Variants in HS3ST4 observed in about 807,000 individuals in gnomAD.
HS3ST4 encodes the protein heparan sulfate-glucosamine 3-sulfotransferase 4.
In HS3ST4, 17 loss-of-function variants were observed where a neutral mutation model predicts 29.2. That is an observed-to-expected ratio of 0.58 (90% CI 0.40 to 0.87). The LOEUF (loss-of-function observed/expected upper bound fraction) is 0.87, where lower values mean the gene tolerates loss of function less well. Among genes scored for constraint, HS3ST4 ranks in the 40% least tolerant of loss-of-function variants. HS3ST4 has a pLI of 0.00. For synonymous variants in HS3ST4, 314 were observed against 285.7 expected, an observed-to-expected ratio of 1.10 and a Z score of -1.00; for missense variants, 627 against 634.5, an observed-to-expected ratio of 0.99 and a Z score of 0.13.
intron 1 of HS3ST4, among the ~76,000 whole-genome samples, chr16:25,732,322 A>G (rs186056380): frequency 1.3e-5 from 2 of 152,302 alleles, no homozygotes. Context: ...ACCTTTTTAC[A>G]TTGTAGGAAT....
At chr16:25,787,276 G>C (rs1006889277) in intron 1 of HS3ST4, among the ~76,000 whole-genome samples, 9 of 152,226 alleles carry the variant, frequency 5.9e-5, no homozygotes, top group Admixed American at 5.2e-4. Context: ...AACAGTGTAA[G>C]TATTGCCCAT....
intron 1 of HS3ST4, among the ~76,000 whole-genome samples, chr16:26,018,894 G>A (rs1321987106): frequency 6.6e-6 from 1 of 151,700 alleles, no homozygotes; most frequent in Non-Finnish European, 1.5e-5. Context: ...TAAGTAGCAG[G>A]CAGTGGTTTA....
chr16:26,007,466 G>C (rs978888081), intron 1 of HS3ST4, among the ~76,000 whole-genome samples: 1 of 152,118 alleles, frequency 6.6e-6, no homozygotes, highest in Non-Finnish European at 1.5e-5. Context: ...TTATCCATTC[G>C]TGAAATGGGA....
intron 1 of HS3ST4, among the ~76,000 whole-genome samples, chr16:25,772,889 G>T (rs1315100732): frequency 2.0e-5 from 3 of 152,186 alleles, no homozygotes; most frequent in Non-Finnish European, 4.4e-5. Flanking sequence ...GGCCATGGCA[G>T]GGTAGGTGCT....
chr16:26,070,063 T>C (rs1177568743), intron 1 of HS3ST4, among the ~76,000 whole-genome samples: 1 of 152,152 alleles, frequency 6.6e-6, no homozygotes, highest in African/African-American at 2.4e-5. Context: ...TTCCTTTGGG[T>C]ATATACCCAG....
chr16:25,999,902 T>TATATTATATATATATATTATATATATA (rs1969198103), intron 1 of HS3ST4, among the ~76,000 whole-genome samples: 5 of 139,732 alleles, frequency 3.6e-5, no homozygotes, highest in African/African-American at 1.1e-4. Context: ...ATATTTTATA[T>TATATTATATATATATATTATATATATA]ATATATATAT....
chr16:25,965,455 C>A (rs756022325), intron 1 of HS3ST4, among the ~76,000 whole-genome samples: 1 of 151,290 alleles, frequency 6.6e-6, no homozygotes, highest in Non-Finnish European at 1.5e-5. Context: ...GGGACTACAA[C>A]GGGAGGAGTT....
chr16:25,838,346 C>G (rs893622831), intron 1 of HS3ST4, among the ~76,000 whole-genome samples: 1 of 152,046 alleles, frequency 6.6e-6, no homozygotes, highest in African/African-American at 2.4e-5. Context: ...ATTGCATGCT[C>G]TCTCTCTCTT....
In HS3ST4 at chr16:26,137,460, C is replaced by G. The variant is rs1480482030; in HGVS notation, c.*1212C>G. 6.6e-6 allele frequency: 1 copy of G among 152,068 alleles called. No individual in the cohort carries two copies. Among genetic ancestry groups the G allele is most frequent in the African/African-American group, 2.4e-5 (1 of 41,418 alleles). The allele number at this position is 152,068 out of a possible 1,614,324, so 9.4% of individuals were successfully genotyped here. ...GAGCAAGGGCTGTCTGCAGAAACCC[C>G]CATCAAGAGCTGCTGAATGAAGTGT... On this transcript the variant is annotated 3_prime_UTR_variant, in exon 2 of 2. Coordinates refer to ENST00000331351, the MANE Select transcript of HS3ST4 (RefSeq NM_006040.3).
At chr16:25,853,687 C>T (rs983246071) in intron 1 of HS3ST4, among the ~76,000 whole-genome samples, 2 of 152,164 alleles carry the variant, frequency 1.3e-5, no homozygotes, top group African/African-American at 4.8e-5. Context: ...TATTGATTTG[C>T]ATACATTGAA....
At chr16:25,828,300 C>CTTTTTT (rs1567249517) in intron 1 of HS3ST4, among the ~76,000 whole-genome samples, 1 of 56,770 alleles carries the variant, frequency 1.8e-5, no homozygotes, top group African/African-American at 8.0e-5. Context: ...TTCTTTCTTT[C>CTTTTTT]CCTCTCTCTC....
chr16:25,940,696 G>C (rs1968564098), intron 1 of HS3ST4, among the ~76,000 whole-genome samples: 1 of 152,180 alleles, frequency 6.6e-6, no homozygotes, highest in African/African-American at 2.4e-5. Flanking sequence ...GTTAGGGAGA[G>C]TACTCCAGTT....
chr16:25,920,904 C>T (rs1015397199), intron 1 of HS3ST4, among the ~76,000 whole-genome samples: 6 of 152,084 alleles, frequency 3.9e-5, no homozygotes, highest in African/African-American at 1.4e-4. Flanking sequence ...AGGTGTGAGC[C>T]ACCACGCCCA....
intron 1 of HS3ST4, among the ~76,000 whole-genome samples, chr16:25,717,643 G>A (rs1966464964): frequency 6.6e-6 from 1 of 151,980 alleles, no homozygotes; most frequent in South Asian, 2.1e-4. Flanking sequence ...AGCTCAGAGT[G>A]CTGGAGCTCT....
chr16:25,794,896 TAC>T (rs59740575), intron 1 of HS3ST4, among the ~76,000 whole-genome samples: 4,536 of 136,518 alleles, frequency 0.033, 95 homozygotes, highest in South Asian at 0.066. Flanking sequence ...TACTCAAGAA[TAC>T]ACACACACAC....
chr16:25,780,315 T>A (rs1015763233), intron 1 of HS3ST4, among the ~76,000 whole-genome samples: 1 of 152,132 alleles, frequency 6.6e-6, no homozygotes, highest in African/African-American at 2.4e-5. Context: ...ATCACACTGG[T>A]TAGGAGCATG....
chr16:26,006,764 T>A (rs1369617780), intron 1 of HS3ST4, among the ~76,000 whole-genome samples: 1 of 152,222 alleles, frequency 6.6e-6, no homozygotes, highest in African/African-American at 2.4e-5. Context: ...GCAAATCTTG[T>A]AAGCTCCAGA....
chr16:25,720,729 CA>C (rs1230020013), intron 1 of HS3ST4, among the ~76,000 whole-genome samples: 2 of 152,072 alleles, frequency 1.3e-5, no homozygotes, highest in Non-Finnish European at 2.9e-5. Flanking sequence ...GGTTACTGGA[CA>C]AAATGAGAAG....
chr16:26,054,603 A>C (rs1008059403), intron 1 of HS3ST4, among the ~76,000 whole-genome samples: 2 of 152,234 alleles, frequency 1.3e-5, no homozygotes, highest in African/African-American at 4.8e-5. Flanking sequence ...TATCTTCAGC[A>C]AAATGAAATG....
Sources: allele counts gnomAD v4.1 joint callset (sites outside exome capture counted in the v4.1 genomes callset), GRCh38; gene constraint gnomAD v4.1.1; transcripts MANE v1.5; gene names NCBI Gene and HGNC (gene_info 2026-07-23, HGNC 2026-07-21).